The following TENM3 variants were observed in gnomAD, a reference collection of about 807,000 sequenced individuals.
TENM3 encodes teneurin transmembrane protein 3, also known as teneurin-3.
TENM3 carries 63 observed loss-of-function variants against 255.1 expected under a neutral mutation model. The observed-to-expected ratio is 0.25, with a 90% CI of 0.20 to 0.30. The LOEUF is 0.30. Ranked by LOEUF, TENM3 falls within the 10% of genes least tolerant of loss-of-function variation. The pLI, the probability that TENM3 is intolerant of heterozygous loss-of-function variation, is 1.00. For synonymous variants in TENM3, 1,306 were observed against 1,322.3 expected, an observed-to-expected ratio of 0.99 and a Z score of 0.27; for missense variants, 2,929 against 3,461.1, an observed-to-expected ratio of 0.85 and a Z score of 3.86.
chr4:182,482,513 T>C (rs953819317), intron 3 of TENM3, among the ~76,000 whole-genome samples: 1 of 152,178 alleles, frequency 6.6e-6, no homozygotes, highest in Admixed American at 6.5e-5. Flanking sequence ...TCAATATGAT[T>C]AAATTTTGGC....
chr4:182,307,043 A>G (rs1762177563), intron 1 of TENM3, among the ~76,000 whole-genome samples: 1 of 152,226 alleles, frequency 6.6e-6, no homozygotes, highest in South Asian at 2.1e-4. Flanking sequence ...GAAATAATCC[A>G]ATGAAATGTG....
chr4:181,735,251 C>T, the TENM3 span, among the ~76,000 whole-genome samples: 1 of 151,870 alleles, frequency 6.6e-6, no homozygotes, highest in Non-Finnish European at 1.5e-5. Context: ...TAATTATGTT[C>T]CCCCATTGTT....
the TENM3 span, among the ~76,000 whole-genome samples, chr4:181,985,448 G>A: frequency 0.19 from 28,567 of 151,950 alleles, 2,788 homozygotes; most frequent in Admixed American, 0.24. Flanking sequence ...CTCTAAAATA[G>A]GCAGAGATTA....
intron 5 of TENM3, among the ~76,000 whole-genome samples, chr4:182,648,983 T>G (rs1753013185): frequency 6.6e-6 from 1 of 152,202 alleles, no homozygotes. Flanking sequence ...TGCTGGCAGA[T>G]GTCCAGTTTG....
chr4:182,322,193 C>A, intron 1 of TENM3, among the ~76,000 whole-genome samples: 1 of 152,126 alleles, frequency 6.6e-6, no homozygotes, highest in Middle Eastern at 3.4e-3. Context: ...AGTGAAAAAT[C>A]GTTTTTTAAA....
the TENM3 span, among the ~76,000 whole-genome samples, chr4:181,968,992 C>CTCTATATATATA: frequency 1.7e-5 from 2 of 116,102 alleles, no homozygotes; most frequent in South Asian, 5.8e-4. Flanking sequence ...CTCTCTCTCT[C>CTCTATATATATA]TATATACATA....
chr4:182,380,648 A>G (rs2150917930), intron 3 of TENM3, among the ~76,000 whole-genome samples: 1 of 152,352 alleles, frequency 6.6e-6, no homozygotes, highest in East Asian at 1.9e-4. Flanking sequence ...TGAACTACAC[A>G]TAAAAACCAA....
chr4:181,679,588 A>G, the TENM3 span, among the ~76,000 whole-genome samples: 1 of 152,190 alleles, frequency 6.6e-6, no homozygotes, highest in African/African-American at 2.4e-5. Flanking sequence ...TTAATTAACC[A>G]GAGTTTTTCA....
intron 3 of TENM3, among the ~76,000 whole-genome samples, chr4:182,590,924 G>T (rs1436810706): frequency 1.3e-5 from 2 of 151,770 alleles, no homozygotes; most frequent in Non-Finnish European, 2.9e-5. Flanking sequence ...GGAAAGCTAT[G>T]CCAGCTTACC....
intron 3 of TENM3, among the ~76,000 whole-genome samples, chr4:182,482,620 G>A (rs1004055561): frequency 6.6e-6 from 1 of 152,162 alleles, no homozygotes; most frequent in Admixed American, 6.5e-5. Context: ...TGCAATTTTA[G>A]TATAATTTTG....
At chr4:182,082,914 A>G in the TENM3 span, among the ~76,000 whole-genome samples, 4 of 152,218 alleles carry the variant, frequency 2.6e-5, no homozygotes, top group African/African-American at 9.6e-5. Flanking sequence ...CTCCTTGGCA[A>G]CATAATATAC....
intron 3 of TENM3, among the ~76,000 whole-genome samples, chr4:182,526,306 G>T (rs1056656472): frequency 1.3e-5 from 2 of 152,002 alleles, no homozygotes; most frequent in Admixed American, 1.3e-4. Flanking sequence ...TATGTATCTC[G>T]TAGAGGCAGT....
chr4:181,549,830 A>G, the TENM3 span, among the ~76,000 whole-genome samples: 2 of 152,192 alleles, frequency 1.3e-5, no homozygotes, highest in Non-Finnish European at 2.9e-5. Context: ...TCAGCCCATA[A>G]AACAAGGAAG....
At position 182,625,833 on chromosome 4, in the gene TENM3, G is replaced by T. The variant is rs557659991; in HGVS notation, c.750-2818G>T. Among the ~76,000 whole-genome samples, 7 of 152,284 alleles carry T rather than the reference G, an allele frequency of 4.6e-5. No homozygotes were observed. In the South Asian group the frequency reaches 6.2e-4, roughly 14 times the overall value. On this transcript the variant is annotated intron_variant, in intron 4 of 27. Transcript: ENST00000511685. ...GAATAGGCTGTTTCTACGGGCTGCTGAGCCTCCTGCTCACTCTTCATGTAT... is the reference window on the plus strand; with the variant it reads ...GAATAGGCTGTTTCTACGGGCTGCTTAGCCTCCTGCTCACTCTTCATGTAT...
intron 3 of TENM3, among the ~76,000 whole-genome samples, chr4:182,580,278 C>T (rs1745355573): frequency 6.6e-6 from 1 of 151,938 alleles, no homozygotes; most frequent in Non-Finnish European, 1.5e-5. Context: ...TTTTGTCTTC[C>T]TCTGACTCTT....
chr4:181,551,807 AAT>A, the TENM3 span, among the ~76,000 whole-genome samples: 26,430 of 140,230 alleles, frequency 0.19, 2,832 homozygotes, highest in South Asian at 0.26. Context: ...GGCAGTTAAT[AAT>A]ATATATATAT....
chr4:181,690,708 G>A, the TENM3 span, among the ~76,000 whole-genome samples: 2 of 152,130 alleles, frequency 1.3e-5, no homozygotes, highest in African/African-American at 4.8e-5. Flanking sequence ...TCATAGAGCA[G>A]GGCTAACGTG....
the TENM3 span, among the ~76,000 whole-genome samples, chr4:181,641,826 A>G: frequency 8.2e-6 from 1 of 121,416 alleles, no homozygotes; most frequent in Non-Finnish European, 1.7e-5. Context: ...ATATATATAT[A>G]TATATATATA....
the TENM3 span, among the ~76,000 whole-genome samples, chr4:181,585,122 A>G: frequency 6.6e-6 from 1 of 152,180 alleles, no homozygotes; most frequent in Non-Finnish European, 1.5e-5. Context: ...GTAGGTAAGA[A>G]AAGTGCAGAA....
Sources: allele counts gnomAD v4.1 joint callset (sites outside exome capture counted in the v4.1 genomes callset), GRCh38; gene constraint gnomAD v4.1.1; transcripts MANE v1.5; gene names NCBI Gene and HGNC (gene_info 2026-07-23, HGNC 2026-07-21).